TBCEL: variants seen among roughly 807,000 people sequenced by gnomAD.
TBCEL encodes the protein tubulin-specific chaperone cofactor E-like protein.
TBCEL carries 15 observed loss-of-function variants against 44.2 expected under a neutral mutation model. That is an observed-to-expected ratio of 0.34 (90% CI 0.23 to 0.52). TBCEL has a LOEUF of 0.52. Among genes scored for constraint, TBCEL ranks in the 20% least tolerant of loss-of-function variants. The pLI, the probability that TBCEL is intolerant of heterozygous loss-of-function variation, is 0.95. For synonymous variants in TBCEL, 171 were observed against 185.4 expected (o/e 0.92, Z 0.63); for missense variants, 319 against 506.3 (o/e 0.63, Z 3.55).
At chr11:121,035,518 G>A (rs1409427031) in intron 1 of TBCEL, 2 of 150,190 alleles carry the variant, frequency 1.3e-5, no homozygotes, top group Non-Finnish European at 3.0e-5. Flanking sequence ...ACCTTTATGC[G>A]TGATTGATGT....
At chr11:121,070,131 TGCAAATCAAA>T (rs1207070113) in intron 8 of TBCEL, among the ~76,000 whole-genome samples, 2 of 152,032 alleles carry the variant, frequency 1.3e-5, no homozygotes, top group African/African-American at 4.8e-5. Flanking sequence ...ATCAGAGAAA[TGCAAATCAAA>T]ACCACAATGA....
intron 1 of TBCEL, among the ~76,000 whole-genome samples, chr11:121,030,744 T>A (rs1374813812): frequency 6.6e-6 from 1 of 152,210 alleles, no homozygotes; most frequent in Non-Finnish European, 1.5e-5. Flanking sequence ...TTCTGAATTT[T>A]GTGTTTTTTT....
At chr11:121,043,352 T>G (rs1358728405) in intron 2 of TBCEL, among the ~76,000 whole-genome samples, 1 of 152,198 alleles carries the variant, frequency 6.6e-6, no homozygotes, top group Non-Finnish European at 1.5e-5. Flanking sequence ...AATGTAATGG[T>G]AGAGATAGGA....
intron 8 of TBCEL, among the ~76,000 whole-genome samples, chr11:121,067,677 C>T (rs1467407259): frequency 6.6e-6 from 1 of 152,114 alleles, no homozygotes; most frequent in Non-Finnish European, 1.5e-5. Flanking sequence ...GCTTATATAG[C>T]AGTGGTGTGA....
intron 8 of TBCEL, among the ~76,000 whole-genome samples, chr11:121,064,710 G>C (rs1324580730): frequency 6.6e-6 from 1 of 152,148 alleles, no homozygotes; most frequent in African/African-American, 2.4e-5. Context: ...ATATTTTCAA[G>C]GTCTTGGAGT....
At chr11:121,065,301 T>C (rs1945800107) in intron 8 of TBCEL, among the ~76,000 whole-genome samples, 1 of 152,156 alleles carries the variant, frequency 6.6e-6, no homozygotes, top group Non-Finnish European at 1.5e-5. Context: ...TTACTGCCTC[T>C]GCAAGCAAGA....
At chr11:121,060,355 A>C (rs1360114376) in intron 8 of TBCEL, among the ~76,000 whole-genome samples, 1 of 151,934 alleles carries the variant, frequency 6.6e-6, no homozygotes, top group African/African-American at 2.4e-5. Flanking sequence ...TGCATACTCC[A>C]TATCACTGAT....
rs1217099153 is a variant in TBCEL, at chr11:121,046,597, TC to T, written c.133+776del. Among the ~76,000 whole-genome samples, 10 of 152,154 alleles carry T rather than the reference TC, an allele frequency of 6.6e-5. No homozygotes were observed. The East Asian group carries it at 1.7e-3, about 26-fold the overall frequency. On this transcript the variant is annotated intron_variant, in intron 3 of 8. Transcript: ENST00000683345. ...ATTTCTTACTTGGTAATTTTTTTTT[TC>T]CGGGATCCATTCCCACTGTGATAAA...
At chr11:121,065,329 G>A (rs1945800791) in intron 8 of TBCEL, among the ~76,000 whole-genome samples, 1 of 152,128 alleles carries the variant, frequency 6.6e-6, no homozygotes, top group South Asian at 2.1e-4. Context: ...AGTTTCATTT[G>A]CCAGGGGAAG....
chr11:121,037,795 TCTC>T (rs1323718025), intron 2 of TBCEL, among the ~76,000 whole-genome samples: 2 of 152,118 alleles, frequency 1.3e-5, no homozygotes, highest in Admixed American at 6.6e-5. Context: ...TAAACCAAAG[TCTC>T]CTGGTGTGGA....
At chr11:121,075,871 G>A (rs7478744) in intron 8 of TBCEL, among the ~76,000 whole-genome samples, 32,898 of 151,832 alleles carry the variant, frequency 0.22, 3,951 homozygotes, top group East Asian at 0.32. Flanking sequence ...ATTTTCCTGT[G>A]TGGGGTAGGA....
At chr11:121,050,268 A>G (rs1945506031) in intron 4 of TBCEL, among the ~76,000 whole-genome samples, 1 of 151,778 alleles carries the variant, frequency 6.6e-6, no homozygotes, top group African/African-American at 2.4e-5. Context: ...ATTACCAAAA[A>G]GATAATTTGT....
chr11:121,082,279 C>T (rs114723205), intron 8 of TBCEL, among the ~76,000 whole-genome samples: 2,569 of 152,302 alleles, frequency 0.017, 78 homozygotes, highest in African/African-American at 0.059. Flanking sequence ...TTTTCTATAT[C>T]AGAGGCTCTG....
chr11:121,038,280 A>T (rs945833813), intron 2 of TBCEL, among the ~76,000 whole-genome samples: 4 of 152,140 alleles, frequency 2.6e-5, no homozygotes, highest in African/African-American at 7.2e-5. Flanking sequence ...TATATTTTTT[A>T]AAAGCAAATA....
intron 6 of TBCEL, among the ~76,000 whole-genome samples, chr11:121,056,733 A>G (rs573890537): frequency 2.2e-4 from 34 of 151,818 alleles, no homozygotes; most frequent in Non-Finnish European, 4.3e-4. Context: ...GATGTATGAT[A>G]TTGAACATCT....
At position 121,055,048 on chromosome 11, in the gene TBCEL, G is replaced by A; in HGVS notation, c.456-4G>A. ...CAATGAAATATTTCCTTTTTTCTCTGCAGTTTGGAGGAGCTCTTCCTGTGC... is the reference window on the plus strand; with the variant it reads ...CAATGAAATATTTCCTTTTTTCTCTACAGTTTGGAGGAGCTCTTCCTGTGC... On this transcript the variant is annotated splice_region_variant and splice_polypyrimidine_tract_variant and intron_variant, in intron 5 of 8. Coordinates refer to ENST00000683345, the MANE Select transcript of TBCEL (RefSeq NM_001363644.2). 6.9e-7 allele frequency: 1 copy of A among 1,459,702 alleles called. No homozygotes were observed. The highest frequency in any genetic ancestry group is 9.1e-7 in the Non-Finnish European group (1 of 1,101,704). The allele number at this position is 1,459,702 out of a possible 1,614,324, so 90.4% of individuals were successfully genotyped here. A position where few individuals can be genotyped will look rare whatever the true frequency, so the allele number is the denominator to read the frequency against.
chr11:121,061,818 G>T (rs1262635363), intron 8 of TBCEL, among the ~76,000 whole-genome samples: 1 of 151,990 alleles, frequency 6.6e-6, no homozygotes, highest in Admixed American at 6.6e-5. Flanking sequence ...GGACATTACT[G>T]TACACTACTA....
At chr11:121,065,797 G>A (rs1945809479) in intron 8 of TBCEL, among the ~76,000 whole-genome samples, 1 of 152,190 alleles carries the variant, frequency 6.6e-6, no homozygotes, top group African/African-American at 2.4e-5. Context: ...GCACAGCACA[G>A]CACTCTCTAA....
intron 8 of TBCEL, among the ~76,000 whole-genome samples, chr11:121,074,044 C>T (rs960111827): frequency 6.6e-6 from 1 of 151,832 alleles, no homozygotes; most frequent in Admixed American, 6.6e-5. Flanking sequence ...GAAGGTTGTA[C>T]TAGCTTCAAA....
Sources: allele counts gnomAD v4.1 joint callset (sites outside exome capture counted in the v4.1 genomes callset), GRCh38; gene constraint gnomAD v4.1.1; transcripts MANE v1.5; gene names NCBI Gene and HGNC (gene_info 2026-07-23, HGNC 2026-07-21).